SLC39A12: variants seen among roughly 807,000 people sequenced by gnomAD.
SLC39A12 encodes zinc transporter ZIP12.
SLC39A12 carries 63 observed loss-of-function variants against 71.1 expected under a neutral mutation model. That is an observed-to-expected ratio of 0.89 (90% CI 0.72 to 1.09). The LOEUF is 1.09. Ranked by LOEUF, SLC39A12 falls within the 50% of genes least tolerant of loss-of-function variation. The pLI is 0.00. For missense variants in SLC39A12, 892 were observed against 812.6 expected (o/e 1.10, Z -1.19); for synonymous variants, 351 against 301.3 (o/e 1.16, Z -1.71).
rs545466918 is a variant in SLC39A12, at chr10:17,954,767, G to A, written c.261+1230G>A. On this transcript the variant is annotated intron_variant, in intron 2 of 12. Coordinates refer to ENST00000377369, the MANE Select transcript of SLC39A12 (RefSeq NM_001145195.2). ...GCATACATAAATAAGTAAAACAAAA[G>A]CTAACAACCGTCTCCAAAATACATT... Among the ~76,000 whole-genome samples the A allele has an allele frequency of 6.1e-4, 93 of 151,952 alleles. 1 individual carries two copies. Among genetic ancestry groups the A allele is most frequent in the African/African-American group, 2.2e-3 (93 of 41,458 alleles).
chr10:17,970,353 A>G (rs560881657), intron 4 of SLC39A12, among the ~76,000 whole-genome samples: 1 of 152,254 alleles, frequency 6.6e-6, no homozygotes, highest in South Asian at 2.1e-4. Context: ...AGGGATTGCA[A>G]TGAATCAGTA....
At chr10:17,991,073 C>T in intron 7 of SLC39A12, 78 bp from the exon 8 acceptor site, 5 of 1,314,586 alleles carry the variant, frequency 3.8e-6, no homozygotes, top group Non-Finnish European at 5.1e-6. Context: ...CAACACTGGG[C>T]CTACTATTTA....
intron 10 of SLC39A12, among the ~76,000 whole-genome samples, chr10:17,997,192 G>A (rs78004997): frequency 2.7e-3 from 411 of 152,248 alleles, no homozygotes; most frequent in Non-Finnish European, 4.8e-3. Context: ...TTTATGCAGT[G>A]AAGAATAAAA....
chr10:18,000,588 AGGTTGGTTGG>A lies in SLC39A12; in HGVS notation c.1601-78_1601-69del, dbSNP rs1835805190. On this transcript the variant is annotated intron_variant, in intron 10 of 12. Transcript: ENST00000377369. ...ATAAGAATGTCAAGTGTAGGTGGGA[AGGTTGGTTGG>A]TTTTGAAGGATTTGGTGAAATATGT... is the stretch of plus-strand genomic sequence containing the variant. The A allele has an allele frequency of 5.6e-4, 730 of 1,309,462 alleles. 9 individuals carry two copies. The South Asian group carries it at 8.3e-3, about 15-fold the overall frequency. 81.1% of individuals were successfully genotyped at this position (1,309,462 alleles called of 1,614,324 possible). A position where few individuals can be genotyped will look rare whatever the true frequency, so the allele number is the denominator to read the frequency against.
chr10:17,981,561 A>G (rs1318626570), intron 6 of SLC39A12, 78 bp downstream of exon 6: 5 of 1,186,976 alleles, frequency 4.2e-6, no homozygotes, highest in African/African-American at 3.1e-5. Context: ...GATACTTACT[A>G]TATACCAGGC....
chr10:18,028,609 A>ACTTT (rs1482081666), intron 12 of SLC39A12, among the ~76,000 whole-genome samples: 2 of 152,176 alleles, frequency 1.3e-5, no homozygotes, highest in East Asian at 3.8e-4. Context: ...GTATTTGTCT[A>ACTTT]CTTTCTTTCC....
chr10:18,009,340 G>C (rs970475595), intron 12 of SLC39A12, among the ~76,000 whole-genome samples: 1 of 152,140 alleles, frequency 6.6e-6, no homozygotes, highest in African/African-American at 2.4e-5. Flanking sequence ...AGCTAATGGA[G>C]AAGGAAGTAC....
intron 12 of SLC39A12, among the ~76,000 whole-genome samples, chr10:18,035,518 T>C (rs1469176188): frequency 6.6e-6 from 1 of 150,734 alleles, no homozygotes. Flanking sequence ...TAAGCACTTC[T>C]CTGTATTGGT....
At chr10:18,033,864 T>C (rs1836922710) in intron 12 of SLC39A12, among the ~76,000 whole-genome samples, 1 of 152,232 alleles carries the variant, frequency 6.6e-6, no homozygotes, top group South Asian at 2.1e-4. Context: ...TTGCTCTCAT[T>C]GGTTTCAAAG....
At position 17,979,943 on chromosome 10, in the gene SLC39A12, C is replaced by G. The variant is rs142915177; in HGVS notation, c.925-1369C>G. On this transcript the variant is annotated intron_variant, in intron 5 of 12. Coordinates refer to ENST00000377369, the MANE Select transcript of SLC39A12 (RefSeq NM_001145195.2). ...TGGGGCTTATATGGCTGTGAGTTTA[C>G]GAGAGAAGGCCAAACTGTGAAAGGA... Among the ~76,000 whole-genome samples, 227 of 151,830 alleles carry G rather than the reference C, an allele frequency of 1.5e-3. 2 individuals are homozygous for G. The highest frequency in any genetic ancestry group is 5.3e-3 in the African/African-American group (218 of 41,352).
chr10:18,039,619 C>A (rs1201167765), intron 12 of SLC39A12, among the ~76,000 whole-genome samples: 1 of 151,924 alleles, frequency 6.6e-6, no homozygotes, highest in Non-Finnish European at 1.5e-5. Context: ...TCTTAGCTAC[C>A]CAGGAGGCTG....
rs1316237744 is a variant in SLC39A12, at chr10:17,978,086, GTTTC to G, written c.924+14_924+17del. 1.3e-6 allele frequency: 2 copies of G among 1,539,598 alleles called. No individual in the cohort carries two copies. The highest frequency in any genetic ancestry group is 1.7e-6 in the Non-Finnish European group (2 of 1,151,170). On this transcript the variant is annotated intron_variant, in intron 5 of 12. Transcript: ENST00000377369. ...TTTCCTGGGATCAGGTATTGCCATTGTTTCTCTTATTCAAGCATTTGCTACTGTC... is the reference window on the plus strand; with the variant it reads ...TTTCCTGGGATCAGGTATTGCCATTGTCTTATTCAAGCATTTGCTACTGTC...
At chr10:17,991,477 A>G (rs544597145) in intron 8 of SLC39A12, among the ~76,000 whole-genome samples, 174 bp downstream of exon 8, 1 of 152,204 alleles carries the variant, frequency 6.6e-6, no homozygotes, top group South Asian at 2.1e-4. Flanking sequence ...TTTTTAAAAT[A>G]TCTATTCCTG....
intron 12 of SLC39A12, among the ~76,000 whole-genome samples, chr10:18,042,147 G>A (rs1433405185): frequency 6.6e-6 from 1 of 151,982 alleles, no homozygotes; most frequent in African/African-American, 2.4e-5. Flanking sequence ...AGTAAGAGTT[G>A]GGTTTGTTTT....
Position 18,001,619 on chromosome 10 carries a change from G to A in SLC39A12, c.1759+794G>A, listed in dbSNP as rs184669340. On this transcript the variant is annotated intron_variant, in intron 11 of 12. Transcript: ENST00000377369. ...CCTAGCATTGAAATGACAGGTGTGT[G>A]GTGGCAGATTCTCATAAATCTCTTT... Among the ~76,000 whole-genome samples, 9 of 152,308 alleles carry A rather than the reference G, an allele frequency of 5.9e-5. No homozygotes were observed. In the East Asian group the frequency reaches 1.7e-3, roughly 29 times the overall value.
chr10:18,004,312 T>G (rs1835943206), intron 12 of SLC39A12: 1 of 152,196 alleles, frequency 6.6e-6, no homozygotes, highest in South Asian at 2.1e-4. Context: ...TGTTATTACC[T>G]GTGTCCTGGA....
chr10:18,002,664 A>G (rs1428611914), intron 11 of SLC39A12: 1 of 152,286 alleles, frequency 6.6e-6, no homozygotes, highest in Non-Finnish European at 1.5e-5. Flanking sequence ...TCATTTTCCT[A>G]TAATCATTTT....
At chr10:18,013,092 G>T (rs1054674432) in intron 12 of SLC39A12, among the ~76,000 whole-genome samples, 2 of 151,356 alleles carry the variant, frequency 1.3e-5, no homozygotes, top group African/African-American at 4.8e-5. Flanking sequence ...AACCTAAATG[G>T]TGCTTTATTA....
At chr10:18,022,805 C>T (rs116610663) in intron 12 of SLC39A12, among the ~76,000 whole-genome samples, 3,356 of 152,180 alleles carry the variant, frequency 0.022, 51 homozygotes, top group South Asian at 0.045. Flanking sequence ...GGTCGGTTAG[C>T]TTCATTTCTG....
Sources: gnomAD v4.1 joint callset for allele counts (sites outside exome capture counted in the v4.1 genomes callset) on GRCh38, gnomAD v4.1.1 for gene constraint, MANE v1.5 for transcripts, NCBI Gene and HGNC (gene_info 2026-07-23, HGNC 2026-07-21) for gene names.